ABCB7: variants seen among roughly 807,000 people sequenced by gnomAD.
The protein encoded by ABCB7 is iron-sulfur clusters transporter ABCB7, mitochondrial.
In ABCB7, 7 loss-of-function variants were observed where a neutral mutation model predicts 54.4. The ratio of observed to expected loss-of-function variants is 0.13; its 90% CI spans 0.07 to 0.24. The LOEUF is 0.24. ABCB7 is among the 10% of genes least tolerant of loss of function. The pLI is 1.00. For missense variants in ABCB7, 356 were observed against 570.4 expected, an observed-to-expected ratio of 0.62 and a Z score of 3.83; for synonymous variants, 218 against 207.1, an observed-to-expected ratio of 1.05 and a Z score of -0.45.
intron 14 of ABCB7, among the ~76,000 whole-genome samples, chrX:75,061,975 G>A (rs908425017): frequency 2.7e-5 from 3 of 112,422 alleles, no homozygotes; most frequent in African/African-American, 9.7e-5. Context: ...ATTTTAATGA[G>A]TGTTAAGTGG....
intron 1 of ABCB7, among the ~76,000 whole-genome samples, chrX:75,141,213 T>C (rs781456440): frequency 3.4e-4 from 38 of 111,960 alleles, no homozygotes; most frequent in Non-Finnish European, 5.1e-4. Flanking sequence ...CAGCAAAGAA[T>C]AGACAATAAT....
intron 4 of ABCB7, among the ~76,000 whole-genome samples, chrX:75,096,789 T>G (rs771890263): frequency 9.0e-6 from 1 of 111,041 alleles, no homozygotes; most frequent in African/African-American, 3.3e-5. Context: ...TCCTACTTTT[T>G]TTTTTTTTAA....
At chrX:75,088,875 C>A (rs749268310) in intron 4 of ABCB7, among the ~76,000 whole-genome samples, 47 of 98,383 alleles carry the variant, frequency 4.8e-4, no homozygotes, top group East Asian at 6.4e-4. Flanking sequence ...ACAACAACAA[C>A]AAAAAAAAAA....
intron 12 of ABCB7, among the ~76,000 whole-genome samples, chrX:75,066,239 G>A (rs1184519205): frequency 9.0e-6 from 1 of 110,874 alleles, no homozygotes; most frequent in East Asian, 2.8e-4. Flanking sequence ...GAAATAAAAT[G>A]ACTCCATTTG....
At chrX:75,136,833 T>C (rs942130149) in intron 1 of ABCB7, among the ~76,000 whole-genome samples, 1 of 112,158 alleles carries the variant, frequency 8.9e-6, no homozygotes, top group Admixed American at 9.5e-5. Flanking sequence ...TGGCCAGCCA[T>C]ATGCAGAAGA....
chrX:75,087,619 G>A (rs186385413), intron 4 of ABCB7, among the ~76,000 whole-genome samples: 13 of 111,577 alleles, frequency 1.2e-4, no homozygotes, highest in East Asian at 5.6e-4. Flanking sequence ...TCCTGAGAAA[G>A]TAAAGCAAGA....
At chrX:75,104,731 G>C (rs752057391) in intron 3 of ABCB7, among the ~76,000 whole-genome samples, 1 of 110,524 alleles carries the variant, frequency 9.0e-6, no homozygotes, top group Non-Finnish European at 1.9e-5. Context: ...AACCAGGCAA[G>C]GAAACAACCC....
chrX:75,110,942 A>C (rs1163950476), intron 3 of ABCB7, among the ~76,000 whole-genome samples: 1 of 111,918 alleles, frequency 8.9e-6, no homozygotes, highest in Admixed American at 9.5e-5. Context: ...GCTGTTAAGA[A>C]CACACACATG....
At chrX:75,099,503 C>T (rs949155072) in intron 3 of ABCB7, among the ~76,000 whole-genome samples, 4 of 111,307 alleles carry the variant, frequency 3.6e-5, no homozygotes, top group African/African-American at 9.8e-5. Context: ...CATGGTAGAG[C>T]TGAGTTGCAA....
At chrX:75,086,231 G>C (rs2081496534) in intron 4 of ABCB7, among the ~76,000 whole-genome samples, 1 of 111,534 alleles carries the variant, frequency 9.0e-6, no homozygotes, top group Admixed American at 9.5e-5. Flanking sequence ...AATTATCAAA[G>C]ACTGGTATAT....
chrX:75,058,358 CTTA>C (rs753307190), intron 15 of ABCB7, among the ~76,000 whole-genome samples: 1 of 111,401 alleles, frequency 9.0e-6, no homozygotes, highest in Non-Finnish European at 1.9e-5. Flanking sequence ...CGGCTGTATA[CTTA>C]TTATGCTTAT....
chrX:75,114,666 A>T, intron 2 of ABCB7, 88 bp downstream of exon 2: 1 of 729,804 alleles, frequency 1.4e-6, no homozygotes. Context: ...AAAAAGGGAG[A>T]TGTAAAATAT....
intron 4 of ABCB7, among the ~76,000 whole-genome samples, chrX:75,089,873 G>GAATT (rs2081530897): frequency 9.1e-6 from 1 of 110,059 alleles, no homozygotes; most frequent in South Asian, 3.9e-4. Context: ...AAGACATAAT[G>GAATT]AATTATATGT....
At chrX:75,085,996 A>G (rs2081494389) in intron 4 of ABCB7, among the ~76,000 whole-genome samples, 1 of 109,127 alleles carries the variant, frequency 9.2e-6, no homozygotes, top group African/African-American at 3.3e-5. Flanking sequence ...ACAGGCACGA[A>G]CCACCACGCC....
intron 1 of ABCB7, among the ~76,000 whole-genome samples, chrX:75,145,180 T>C (rs1183025402): frequency 2.7e-5 from 3 of 111,314 alleles, no homozygotes; most frequent in East Asian, 5.6e-4. Context: ...GTACCATTCA[T>C]ACTGAAACTA....
At chrX:75,115,292 AAAAAAAAT>A (rs1441844837) in intron 1 of ABCB7, among the ~76,000 whole-genome samples, 2 of 102,917 alleles carry the variant, frequency 1.9e-5, no homozygotes, top group Admixed American at 1.0e-4. Context: ...AAAAAAAAAA[AAAAAAAAT>A]GACAAAAATA....
At position 75,104,047 on chromosome X, in the gene ABCB7, G is replaced by GTTTTTTTTTTTTTTTTTTTTTTTTTTTTT. The variant is rs757074347; in HGVS notation, c.334-5015_334-4987dup. 9.7e-4 allele frequency among the ~76,000 whole-genome samples: 13 copies of GTTTTTTTTTTTTTTTTTTTTTTTTTTTTT among 13,446 alleles called. 3 individuals carry two copies. Among genetic ancestry groups the GTTTTTTTTTTTTTTTTTTTTTTTTTTTTT allele is most frequent in the Admixed American group, 4.0e-3 (2 of 502 alleles). The allele number at this position is 13,446 out of a possible 115,157, so 11.7% of individuals were successfully genotyped here. A position where few individuals can be genotyped will look rare whatever the true frequency, so the allele number is the denominator to read the frequency against. On this transcript the variant is annotated intron_variant, in intron 3 of 15. Coordinates refer to ENST00000373394, the MANE Select transcript of ABCB7 (RefSeq NM_001271696.3). ...AAATGGGCATCCCTGTCTTGTTACA[G>GTTTTTTTTTTTTTTTTTTTTTTTTTTTTT]TTTTTTTTTTTTTTTTTTTTTTTTT...
At position 75,104,047 on chromosome X, in the gene ABCB7, G is replaced by GTTTTTTTTT. The variant is rs757074347; in HGVS notation, c.334-4995_334-4987dup. On this transcript the variant is annotated intron_variant, in intron 3 of 15. Coordinates refer to ENST00000373394, the MANE Select transcript of ABCB7 (RefSeq NM_001271696.3). ...AAATGGGCATCCCTGTCTTGTTACA[G>GTTTTTTTTT]TTTTTTTTTTTTTTTTTTTTTTTTT... Among the ~76,000 whole-genome samples, 43 of 13,436 alleles carry GTTTTTTTTT rather than the reference G, an allele frequency of 3.2e-3. 11 individuals are homozygous for GTTTTTTTTT. The highest frequency in any genetic ancestry group is 0.022 in the East Asian group (3 of 139). The allele number at this position is 13,436 out of a possible 115,157, so 11.7% of individuals were successfully genotyped here. A position where few individuals can be genotyped will look rare whatever the true frequency, so the allele number is the denominator to read the frequency against.
At chrX:75,119,507 G>T in intron 1 of ABCB7, among the ~76,000 whole-genome samples, 1 of 112,142 alleles carries the variant, frequency 8.9e-6, no homozygotes, top group Middle Eastern at 4.6e-3. Context: ...GTTATAAAAG[G>T]TTTATGAGAA....
Sources: gnomAD v4.1 joint callset for allele counts (sites outside exome capture counted in the v4.1 genomes callset) on GRCh38, gnomAD v4.1.1 for gene constraint, MANE v1.5 for transcripts, NCBI Gene and HGNC (gene_info 2026-07-23, HGNC 2026-07-21) for gene names.